SULT1C3: variants seen among roughly 807,000 people sequenced by gnomAD.
SULT1C3 encodes sulfotransferase family 1C member 3.
A neutral mutation model predicts 28.4 loss-of-function variants in SULT1C3; 31 were observed. That is an observed-to-expected ratio of 1.09 (90% confidence interval 0.82 to 1.47). The LOEUF is 1.47. Ranked by LOEUF, SULT1C3 falls within the 40% of genes most tolerant of loss-of-function variation. The pLI, the probability that SULT1C3 is intolerant of heterozygous loss-of-function variation, is 0.00. For missense variants in SULT1C3, 307 were observed against 272.5 expected (o/e 1.13, Z -0.89); for synonymous variants, 106 against 92.2 (o/e 1.15, Z -0.86).
intron 2 of SULT1C3, among the ~76,000 whole-genome samples, chr2:108,251,400 C>T (rs1198219198): frequency 6.6e-6 from 1 of 151,958 alleles, no homozygotes; most frequent in Admixed American, 6.6e-5. Flanking sequence ...TTCCTAAAAG[C>T]AAATGGAAAT....
chr2:108,252,185 A>AGATAGATAGATAGATG (rs1553414982), intron 2 of SULT1C3, among the ~76,000 whole-genome samples, 180 bp from the exon 3 acceptor site: 4 of 140,468 alleles, frequency 2.8e-5, no homozygotes, highest in African/African-American at 1.0e-4. Context: ...ATAGATAGAT[A>AGATAGATAGATAGATG]GATGGATAGA....
At chr2:108,250,919 T>C (rs558610530) in intron 2 of SULT1C3, among the ~76,000 whole-genome samples, 1 of 152,048 alleles carries the variant, frequency 6.6e-6, no homozygotes, top group African/African-American at 2.4e-5. Flanking sequence ...AAAGAATTAC[T>C]GATAGCAACA....
intron 2 of SULT1C3, among the ~76,000 whole-genome samples, chr2:108,251,702 C>T (rs1293547245): frequency 6.6e-6 from 1 of 151,864 alleles, no homozygotes; most frequent in Admixed American, 6.6e-5. Context: ...CGTTCAAAAA[C>T]CAATGTCAAA....
chr2:108,259,633 A>G (rs1369264251), intron 7 of SULT1C3, among the ~76,000 whole-genome samples: 1 of 152,096 alleles, frequency 6.6e-6, no homozygotes, highest in Non-Finnish European at 1.5e-5. Flanking sequence ...CCAAAATAAG[A>G]TGATAGGCTG....
intron 3 of SULT1C3, 146 bp downstream of exon 3, chr2:108,252,639 C>T: frequency 1.1e-6 from 1 of 938,406 alleles, no homozygotes; most frequent in South Asian, 2.4e-5. Flanking sequence ...CAATCAAACT[C>T]TAGATTGGGT....
chr2:108,251,743 A>T (rs1045842413), intron 2 of SULT1C3, among the ~76,000 whole-genome samples: 1 of 152,086 alleles, frequency 6.6e-6, no homozygotes, highest in Non-Finnish European at 1.5e-5. Context: ...AAGAAAAAAT[A>T]TGGAAAGATG....
chr2:108,247,145 C>T, intron 1 of SULT1C3, 43 bp from the exon 2 acceptor site: 4 of 1,367,540 alleles, frequency 2.9e-6, no homozygotes, highest in Non-Finnish European at 3.8e-6. Flanking sequence ...CATAAAACAA[C>T]ATTTTTAAAA....
At chr2:108,264,684 C>T (rs1421652851), downstream of SULT1C3, 2 of 830,604 alleles carry the variant, frequency 2.4e-6, no homozygotes, top group East Asian at 2.7e-5. Context: ...GTGTCTGGCA[C>T]TAGGAGTCAC....
At chr2:108,251,406 G>T (rs1318952787) in intron 2 of SULT1C3, among the ~76,000 whole-genome samples, 1 of 151,956 alleles carries the variant, frequency 6.6e-6, no homozygotes, top group African/African-American at 2.4e-5. Context: ...AAAGCAAATG[G>T]AAATATGGGC....
chr2:108,264,845 G>A (rs1676096101), downstream of SULT1C3: 10 of 1,612,070 alleles, frequency 6.2e-6, no homozygotes, highest in Middle Eastern at 1.7e-4. Context: ...GGGAAATTGA[G>A]AAGATACTGA....
intron 5 of SULT1C3, among the ~76,000 whole-genome samples, chr2:108,258,206 C>T (rs989301302): frequency 1.1e-4 from 16 of 152,062 alleles, no homozygotes; most frequent in African/African-American, 3.6e-4. Context: ...AAATATGGTG[C>T]TGGCTAACTC....
At chr2:108,264,513 C>A (rs768236427), downstream of SULT1C3, among the ~76,000 whole-genome samples, 66 of 152,160 alleles carry the variant, frequency 4.3e-4, 1 homozygote, top group African/African-American at 1.1e-3. Context: ...CTCCTTCCCA[C>A]CAAATCTCCT....
intron 2 of SULT1C3, among the ~76,000 whole-genome samples, chr2:108,250,180 A>G (rs1675694598): frequency 6.6e-6 from 1 of 151,972 alleles, no homozygotes; most frequent in Non-Finnish European, 1.5e-5. Flanking sequence ...AATATTCACA[A>G]TACATATATC....
Position 108,247,345 on chromosome 2 carries a change from C to A in SULT1C3, c.151C>A (p.Leu51Met). The A allele has an allele frequency of 6.4e-7, 1 of 1,551,214 alleles. No individual in the cohort carries two copies. The highest frequency in any genetic ancestry group is 1.3e-5 in the South Asian group (1 of 79,786). The change falls in exon 2 of 8, where the codon CTG becomes ATG. Residue 51 changes from leucine to methionine, a missense_variant. By Grantham distance (15) the Leu-to-Met change is conservative (BLOSUM62 2). Transcript: ENST00000681802. ...NFQAKPDDLI[L>M]ATYPKSGTTW... ...CCAAGCCAAGCCTGATGATCTTATT[C>A]TGGCAACTTACCCAAAGTCAGGTAA... is the stretch of plus-strand genomic sequence containing the variant.
At chr2:108,264,270 TTC>T (rs1676082837), downstream of SULT1C3, among the ~76,000 whole-genome samples, 1 of 152,180 alleles carries the variant, frequency 6.6e-6, no homozygotes, top group South Asian at 2.1e-4. Flanking sequence ...AGCTATAGCT[TTC>T]TCTCTTTCTG....
intron 1 of SULT1C3, among the ~76,000 whole-genome samples, chr2:108,244,980 CA>C (rs1675543610): frequency 6.6e-6 from 1 of 152,104 alleles, no homozygotes; most frequent in South Asian, 2.1e-4. Context: ...AAATACACTC[CA>C]GGGGAGTGCA....
rs748185711 is a variant in SULT1C3, at chr2:108,255,704, T to C, written c.526+6T>C. The C allele has an allele frequency of 1.2e-6, 2 of 1,608,466 alleles. No individual in the cohort carries two copies. Among genetic ancestry groups the C allele is most frequent in the Non-Finnish European group, 1.7e-6 (2 of 1,176,748 alleles). The stretch of plus-strand genomic sequence containing the variant: ...GAAATTCATGTCCGGAAAAGGTGAG[T>C]TCAAACTGATCTTTTTGGTACCCTC... On this transcript the variant is annotated splice_donor_region_variant and intron_variant, in intron 5 of 7. Transcript: ENST00000681802.
At chr2:108,253,568 A>G (rs1435829471) in intron 4 of SULT1C3, 126 bp downstream of exon 4, 3 of 440,764 alleles carry the variant, frequency 6.8e-6, no homozygotes, top group Non-Finnish European at 1.1e-5. Flanking sequence ...TTTTTCTTAG[A>G]TGAAGCACTT....
chr2:108,252,801 C>G (rs1263158463), intron 3 of SULT1C3, among the ~76,000 whole-genome samples: 2 of 151,904 alleles, frequency 1.3e-5, no homozygotes, highest in Non-Finnish European at 2.9e-5. Flanking sequence ...AGTGGAAAGG[C>G]CAGAAATTAG....
Sources: gnomAD v4.1 joint callset for allele counts (sites outside exome capture counted in the v4.1 genomes callset) on GRCh38, gnomAD v4.1.1 for gene constraint, MANE v1.5 for transcripts, NCBI Gene and HGNC (gene_info 2026-07-23, HGNC 2026-07-21) for gene names.